The following ZNF343 variants were observed in gnomAD, a reference collection of about 807,000 sequenced individuals.
The protein encoded by ZNF343 is zinc finger protein 343.
In ZNF343, 11 loss-of-function variants were observed where a neutral mutation model predicts 13.8. That is an observed-to-expected ratio of 0.80 (90% CI 0.50 to 1.32). The LOEUF (loss-of-function observed/expected upper bound fraction) is 1.32, where lower values mean the gene tolerates loss of function less well. Among genes scored for constraint, ZNF343 ranks in the 40% most tolerant of loss-of-function variants. The pLI, the probability that ZNF343 is intolerant of heterozygous loss-of-function variation, is 0.00. For missense variants in ZNF343, 658 were observed against 714.2 expected (o/e 0.92, Z 0.90); for synonymous variants, 248 against 260.0 (o/e 0.95, Z 0.44).
At chr20:2,497,998 T>A (rs2085489013) in intron 2 of ZNF343, among the ~76,000 whole-genome samples, 1 of 152,130 alleles carries the variant, frequency 6.6e-6, no homozygotes, top group Non-Finnish European at 1.5e-5. Flanking sequence ...TGACCCAAAA[T>A]GAGCAAGAGG....
At chr20:2,510,231 G>A (rs1174252649), upstream of ZNF343, among the ~76,000 whole-genome samples, 2 of 152,070 alleles carry the variant, frequency 1.3e-5, no homozygotes, top group Non-Finnish European at 2.9e-5. Flanking sequence ...CTCTTACAAG[G>A]GGGCAAATTA....
intron 5 of ZNF343, among the ~76,000 whole-genome samples, chr20:2,488,830 A>G (rs566232645): frequency 1.2e-4 from 19 of 152,294 alleles, no homozygotes; most frequent in African/African-American, 4.3e-4. Context: ...GGATCACTTT[A>G]GACCAGAAGC....
intron 1 of ZNF343, among the ~76,000 whole-genome samples, chr20:2,521,128 G>A (rs966274695): frequency 1.3e-5 from 2 of 152,214 alleles, no homozygotes; most frequent in African/African-American, 2.4e-5. Flanking sequence ...TCTGCTGAGG[G>A]AAATGAACGT....
rs558014917 is a variant in ZNF343, at chr20:2,507,664, T to G, written c.-237+1217A>C. Among the ~76,000 whole-genome samples, 314 of 152,210 alleles carry G rather than the reference T, an allele frequency of 2.1e-3. 1 individual carries two copies. The highest frequency in any genetic ancestry group is 3.8e-3 in the Non-Finnish European group (256 of 68,018). ...CAGTAATGATGTCAGCAATGGCCAA[T>G]CCCTGTGGGGTCTGACAATTCTCAA... On this transcript the variant is annotated intron_variant, in intron 1 of 5. Coordinates refer to ENST00000278772, the MANE Select transcript of ZNF343 (RefSeq NM_024325.6).
At chr20:2,489,267 A>G (rs2085329194) in intron 5 of ZNF343, among the ~76,000 whole-genome samples, 1 of 152,220 alleles carries the variant, frequency 6.6e-6, no homozygotes, top group African/African-American at 2.4e-5. Flanking sequence ...CAAGCTGGTA[A>G]TGTGTTAATA....
intron 5 of ZNF343, among the ~76,000 whole-genome samples, chr20:2,489,401 T>C (rs971068863): frequency 1.3e-5 from 2 of 151,996 alleles, no homozygotes; most frequent in African/African-American, 2.4e-5. Flanking sequence ...TATCTGCTGT[T>C]CCTCCCCACT....
chr20:2,484,120 T>C lies in ZNF343; in HGVS notation c.841A>G (p.Arg281Gly), dbSNP rs1411464675. 1.9e-5 allele frequency: 30 copies of C among 1,614,150 alleles called. No homozygotes were observed. The highest frequency in any genetic ancestry group is 2.5e-5 in the Non-Finnish European group (29 of 1,180,056). Residue 281 changes from arginine to glycine, a missense_variant, in exon 6 of 6, where the codon AGA becomes GGA. Transcript: ENST00000278772. ...CSDCGRSFKD[R>G]STLIRHHRIH... The stretch of plus-strand genomic sequence containing the variant: ...CGATGGTGTCTGATGAGGGTTGATC[T>C]ATCTTTAAAGCTTCGCCCACAATCA...
Position 2,494,007 on chromosome 20 carries a change from A to G in ZNF343, c.-112T>C. The stretch of plus-strand genomic sequence containing the variant: ...CCTGTGGTGACTTCTTCCAACCTTA[A>G]TTATAAAAAGCCCAGCTTGTTTCCC... On this transcript the variant is annotated 5_prime_UTR_variant, in exon 3 of 6. Transcript: ENST00000278772. The G allele has an allele frequency of 1.3e-6, 1 of 773,430 alleles. No homozygotes were observed. The highest frequency in any genetic ancestry group is 2.2e-6 in the Non-Finnish European group (1 of 451,894). The allele number at this position is 773,430 out of a possible 1,614,324, so 47.9% of individuals were successfully genotyped here. A position where few individuals can be genotyped will look rare whatever the true frequency, so the allele number is the denominator to read the frequency against.
In ZNF343 at chr20:2,498,903, G is replaced by A. The variant is rs557611087; in HGVS notation, c.-150+1753C>T. Among the ~76,000 whole-genome samples, 10 of 152,276 alleles carry A rather than the reference G, an allele frequency of 6.6e-5. No homozygotes were observed. The South Asian group carries it at 1.7e-3, about 25-fold the overall frequency. On this transcript the variant is annotated intron_variant, in intron 2 of 5. Transcript: ENST00000278772. ...CACCCAGGCTGAAGCGCAGTGGTGT[G>A]ATCTCAGCTTACTGCAACCTCCACT...
At chr20:2,488,668 A>G (rs532662960) in intron 5 of ZNF343, among the ~76,000 whole-genome samples, 1 of 152,258 alleles carries the variant, frequency 6.6e-6, no homozygotes, top group South Asian at 2.1e-4. Context: ...GAATTTCAGA[A>G]AAGAATTTCA....
chr20:2,506,393 C>T (rs1242597315), intron 1 of ZNF343, among the ~76,000 whole-genome samples: 5 of 151,960 alleles, frequency 3.3e-5, no homozygotes, highest in Admixed American at 6.6e-5. Context: ...GTGGCGATTC[C>T]TCAGGGATCT....
At chr20:2,510,963 A>G (rs2122748128), upstream of ZNF343, among the ~76,000 whole-genome samples, 1 of 152,252 alleles carries the variant, frequency 6.6e-6, no homozygotes, top group South Asian at 2.1e-4. Flanking sequence ...GTGGGTTCTC[A>G]TTGTCCACAT....
At chr20:2,524,830 G>C (rs1397428389), upstream of ZNF343, 1 of 152,396 alleles carries the variant, frequency 6.6e-6, no homozygotes, top group Non-Finnish European at 1.5e-5. Flanking sequence ...GTGTCACCCA[G>C]GCTGGTCTCG....
intron 4 of ZNF343, 128 bp downstream of exon 4, chr20:2,493,391 G>C (rs2085398704): frequency 1.2e-6 from 1 of 844,992 alleles, no homozygotes; most frequent in African/African-American, 1.7e-5. Flanking sequence ...TTTCAAGAAA[G>C]CCTAATGCTT....
chr20:2,517,675 A>AT (rs11478530), intron 1 of ZNF343, among the ~76,000 whole-genome samples: 278 of 145,588 alleles, frequency 1.9e-3, no homozygotes, highest in Non-Finnish European at 2.9e-3. Context: ...CTAGTTATTA[A>AT]TTTTTTTTTT....
chr20:2,517,019 C>G (rs561489880), intron 1 of ZNF343, among the ~76,000 whole-genome samples: 5 of 152,140 alleles, frequency 3.3e-5, no homozygotes, highest in African/African-American at 1.2e-4. Flanking sequence ...ACATTCATAT[C>G]TAAGGTAACT....
chr20:2,523,461 T>C (rs539354694), intron 1 of ZNF343, among the ~76,000 whole-genome samples: 2 of 152,218 alleles, frequency 1.3e-5, no homozygotes, highest in African/African-American at 2.4e-5. Flanking sequence ...CCTTTTTTTT[T>C]CTTTTTTTTA....
At chr20:2,496,524 G>A (rs1410554590) in intron 2 of ZNF343, among the ~76,000 whole-genome samples, 1 of 152,110 alleles carries the variant, frequency 6.6e-6, no homozygotes, top group Non-Finnish European at 1.5e-5. Context: ...TAACAAGCTT[G>A]GATTTACATT....
At chr20:2,513,344 C>G (rs1379630077), upstream of ZNF343, among the ~76,000 whole-genome samples, 2 of 152,058 alleles carry the variant, frequency 1.3e-5, no homozygotes, top group African/African-American at 4.8e-5. Flanking sequence ...TACAAAACAG[C>G]CAGCAAGAAC....
Sources: allele counts gnomAD v4.1 joint callset (sites outside exome capture counted in the v4.1 genomes callset), GRCh38; gene constraint gnomAD v4.1.1; transcripts MANE v1.5; gene names NCBI Gene and HGNC (gene_info 2026-07-23, HGNC 2026-07-21).